The following HSP90AA1 variants were observed in gnomAD, a reference collection of about 807,000 sequenced individuals.
HSP90AA1 encodes heat shock protein HSP 90-alpha.
HSP90AA1 carries 18 observed loss-of-function variants against 73.3 expected under a neutral mutation model. That is an observed-to-expected ratio of 0.25 (90% CI 0.17 to 0.36). The LOEUF (loss-of-function observed/expected upper bound fraction) is 0.36, where lower values mean the gene tolerates loss of function less well. HSP90AA1 is among the 10% of genes least tolerant of loss of function. The pLI, the probability that HSP90AA1 is intolerant of heterozygous loss-of-function variation, is 1.00. For synonymous variants in HSP90AA1, 477 were observed against 296.9 expected (o/e 1.61, Z -6.24); for missense variants, 704 against 874.2 (o/e 0.81, Z 2.45).
intron 1 of HSP90AA1, among the ~76,000 whole-genome samples, chr14:102,134,850 C>T (rs1055735175): frequency 6.6e-6 from 1 of 152,156 alleles, no homozygotes; most frequent in African/African-American, 2.4e-5. Flanking sequence ...AATGCTAGCT[C>T]GGGCAGCCTG....
At chr14:102,085,178 G>T in intron 4 of HSP90AA1, 120 bp downstream of exon 4, 1 of 1,413,966 alleles carries the variant, frequency 7.1e-7, no homozygotes, top group Non-Finnish European at 1.0e-6. Context: ...GAGTTAGGTA[G>T]TAGAGCTTAG....
chr14:102,083,176 C>T lies in HSP90AA1; in HGVS notation c.1613G>A (p.Gly538Glu). 1.2e-6 allele frequency: 2 copies of T among 1,613,954 alleles called. No homozygotes were observed. The highest frequency in any genetic ancestry group is 1.7e-6 in the Non-Finnish European group (2 of 1,179,934). The change falls in exon 9 of 11, where the codon GGG (glycine) becomes GAG (glutamate). Residue 538 changes from glycine (G) to glutamate (E), a missense_variant. By Grantham distance (98) the Gly-to-Glu change is moderately conservative. Coordinates refer to ENST00000216281, the MANE Select transcript of HSP90AA1 (RefSeq NM_005348.4). ...TTTGGTGACTGACACTAAAGTCTTC[C>T]CCTCAAATTCCTTCAGCTGTTGGAC... is the stretch of plus-strand genomic sequence containing the variant. ...YCVQQLKEFE[G>E]KTLVSVTKEG... is the part of the protein sequence containing the mutation.
intron 1 of HSP90AA1, among the ~76,000 whole-genome samples, chr14:102,120,865 G>A (rs1169496459): frequency 6.6e-6 from 1 of 151,874 alleles, no homozygotes; most frequent in African/African-American, 2.4e-5. Flanking sequence ...TTGAACTCAG[G>A]AGGTGGAAGT....
intron 1 of HSP90AA1, among the ~76,000 whole-genome samples, chr14:102,128,097 T>G (rs2049860256): frequency 6.6e-6 from 1 of 152,182 alleles, no homozygotes; most frequent in Non-Finnish European, 1.5e-5. Flanking sequence ...CAGTGCAGTG[T>G]GGGAGTCTGC....
intron 1 of HSP90AA1, chr14:102,102,147 G>T: frequency 6.9e-7 from 1 of 1,447,420 alleles, no homozygotes; most frequent in Non-Finnish European, 9.7e-7. Flanking sequence ...TAGGGCGGCA[G>T]AGGATGAACT....
chr14:102,083,453 G>A, intron 8 of HSP90AA1, 93 bp downstream of exon 8: 11 of 1,425,494 alleles, frequency 7.7e-6, no homozygotes, highest in African/African-American at 1.4e-5. Context: ...ATCAATACCA[G>A]TTGTAACAGT....
chr14:102,120,575 T>C (rs2049764059), intron 1 of HSP90AA1, among the ~76,000 whole-genome samples: 1 of 152,008 alleles, frequency 6.6e-6, no homozygotes, highest in South Asian at 2.1e-4. Context: ...AAAGTGAAAG[T>C]GTTAGTAAGT....
rs1467265133 is a variant in HSP90AA1, at chr14:102,086,354, C to T, written c.25G>A (p.Asp9Asn). 6.2e-7 allele frequency: 1 copy of T among 1,614,050 alleles called. No individual in the cohort carries two copies. The highest frequency in any genetic ancestry group is 8.5e-7 in the Non-Finnish European group (1 of 1,180,034). ...ACCTCCTCCTCCTCCATCGGTTGGT[C>T]TTGGGTCTGGGTTTCCTCAGGCATC... MPEETQTQ[D>N]QPMEEEEVET... Residue 9 changes from aspartate (D) to asparagine (N), a missense_variant, in exon 2 of 11, where the codon GAC becomes AAC. By Grantham distance (23) the Asp-to-Asn change is conservative. Coordinates refer to ENST00000216281, the MANE Select transcript of HSP90AA1 (RefSeq NM_005348.4).
At chr14:102,123,555 T>C (rs1021203590) in intron 1 of HSP90AA1, among the ~76,000 whole-genome samples, 5 of 152,080 alleles carry the variant, frequency 3.3e-5, no homozygotes, top group African/African-American at 1.2e-4. Context: ...TTCTTTTTTT[T>C]TTAAGAGATT....
intron 4 of HSP90AA1, 144 bp downstream of exon 4, chr14:102,085,154 G>T (rs547031785): frequency 1.4e-6 from 2 of 1,460,654 alleles, no homozygotes; most frequent in Admixed American, 3.5e-5. Context: ...TTAATAGCCC[G>T]AGGAACTTTT....
rs2049087409 is a variant in HSP90AA1 at position 102,081,099 on chromosome 14, CACT to C, written c.*610_*612del. ...AACTTTAAGCAGAATGTGACTCGAG[CACT>C]ACATTTCCATCCACAAGACTGGGTC... On this transcript the variant is annotated 3_prime_UTR_variant, in exon 11 of 11. Transcript: ENST00000216281. 2 of 228,502 alleles carry C rather than the reference CACT, an allele frequency of 8.8e-6. No homozygotes were observed. Among genetic ancestry groups the C allele is most frequent in the Non-Finnish European group, 1.7e-5 (2 of 115,300 alleles). The allele number at this position is 228,502 out of a possible 1,614,324, so 14.2% of individuals were successfully genotyped here.
intron 1 of HSP90AA1, among the ~76,000 whole-genome samples, chr14:102,118,219 C>A (rs2049731035): frequency 1.3e-5 from 2 of 152,190 alleles, no homozygotes; most frequent in Non-Finnish European, 2.9e-5. Context: ...AGGGTGCCAC[C>A]AGCCACAGAG....
At chr14:102,089,681 G>T (rs1183163636), upstream of HSP90AA1, among the ~76,000 whole-genome samples, 7 of 152,096 alleles carry the variant, frequency 4.6e-5, no homozygotes, top group Admixed American at 4.6e-4. Context: ...CCTGGATGCT[G>T]AGCCTCATGA....
chr14:102,093,858 C>T (rs2049390854), intron 2 of HSP90AA1, among the ~76,000 whole-genome samples: 1 of 152,136 alleles, frequency 6.6e-6, no homozygotes, highest in Non-Finnish European at 1.5e-5. Context: ...CCTGTAATCC[C>T]AGCTACTCAG....
intron 1 of HSP90AA1, among the ~76,000 whole-genome samples, chr14:102,103,206 CAGA>C (rs1384406378): frequency 1.7e-5 from 2 of 121,060 alleles, no homozygotes; most frequent in African/African-American, 6.2e-5. Context: ...AAAAAAAAAG[CAGA>C]AGTGGGAGTT....
chr14:102,109,264 C>T (rs2049609063), intron 1 of HSP90AA1, among the ~76,000 whole-genome samples: 1 of 152,164 alleles, frequency 6.6e-6, no homozygotes, highest in African/African-American at 2.4e-5. Context: ...CTGTGGGATT[C>T]ATCCATGTTG....
chr14:102,086,380 T>C lies in HSP90AA1; in HGVS notation c.1-2A>G, dbSNP rs375119946. ...TTGGGTCTGGGTTTCCTCAGGCATC[T>C]GGAACGACACCGCGCCGGTTTAAAA... is the stretch of plus-strand genomic sequence containing the variant. On this transcript the variant is annotated splice_acceptor_variant, in intron 1 of 10. Coordinates refer to ENST00000216281, the MANE Select transcript of HSP90AA1 (RefSeq NM_005348.4). LOFTEE classifies it low-confidence loss of function (5UTR_SPLICE). 1.2e-6 allele frequency: 2 copies of C among 1,614,204 alleles called. No individual in the cohort carries two copies. Among genetic ancestry groups the C allele is most frequent in the African/African-American group, 1.3e-5 (1 of 75,072 alleles).
upstream of HSP90AA1, chr14:102,087,062 C>CT: frequency 7.1e-6 from 7 of 985,438 alleles, no homozygotes; most frequent in South Asian, 3.3e-4. Flanking sequence ...CACCCCCGCG[C>CT]CTGCCTTATA....
At chr14:102,127,531 T>C (rs1292589027) in intron 1 of HSP90AA1, among the ~76,000 whole-genome samples, 2 of 152,196 alleles carry the variant, frequency 1.3e-5, no homozygotes, top group Non-Finnish European at 2.9e-5. Context: ...GAGTCTAAGA[T>C]AATTAAAATA....
Sources: allele counts gnomAD v4.1 joint callset (sites outside exome capture counted in the v4.1 genomes callset), GRCh38; gene constraint gnomAD v4.1.1; transcripts MANE v1.5; gene names NCBI Gene and HGNC (gene_info 2026-07-23, HGNC 2026-07-21).